The following SNRK variants were observed in gnomAD, a reference collection of about 807,000 sequenced individuals.
SNRK encodes SNF related kinase.
In SNRK, 3 loss-of-function variants were observed where a neutral mutation model predicts 48.2. That is an observed-to-expected ratio of 0.06 (90% CI 0.03 to 0.16). SNRK has a LOEUF of 0.16. Ranked by LOEUF, SNRK falls within the 10% of genes least tolerant of loss-of-function variation. The pLI is 1.00. For synonymous variants in SNRK, 376 were observed against 366.1 expected, an observed-to-expected ratio of 1.03 and a Z score of -0.31; for missense variants, 627 against 976.0, an observed-to-expected ratio of 0.64 and a Z score of 4.76.
chr3:43,294,652 A>G (rs1004678777), intron 1 of SNRK, among the ~76,000 whole-genome samples: 4 of 151,846 alleles, frequency 2.6e-5, no homozygotes, highest in African/African-American at 9.7e-5. Flanking sequence ...GTGTAAGAGA[A>G]TTCCTGGAAT....
rs1382289714 is a variant in SNRK, at chr3:43,349,837, T to G, written c.*1280T>G. The G allele has an allele frequency of 6.6e-6, 1 of 152,178 alleles. No individual in the cohort carries two copies. Among genetic ancestry groups the G allele is most frequent in the Non-Finnish European group, 1.5e-5 (1 of 68,042 alleles). 9.4% of individuals were successfully genotyped at this position (152,178 alleles called of 1,614,324 possible). ...TGATTATGGAAGGGGCCAGTTGCTG[T>G]TTTTTCATGCAGTGCCCTGGGAGTC... On this transcript the variant is annotated 3_prime_UTR_variant, in exon 7 of 7. Coordinates refer to ENST00000296088, the MANE Select transcript of SNRK (RefSeq NM_017719.5).
intron 6 of SNRK, among the ~76,000 whole-genome samples, chr3:43,344,885 A>C (rs917110676): frequency 6.6e-6 from 1 of 151,906 alleles, no homozygotes; most frequent in African/African-American, 2.4e-5. Flanking sequence ...GGCTTCTGGA[A>C]GAGAATATTT....
chr3:43,325,355 C>T (rs1299767819), intron 3 of SNRK, among the ~76,000 whole-genome samples: 1 of 151,980 alleles, frequency 6.6e-6, no homozygotes, highest in Non-Finnish European at 1.5e-5. Context: ...TTAGTAGAGA[C>T]AGGATTTCAC....
chr3:43,324,019 G>T (rs2091075005), intron 3 of SNRK, among the ~76,000 whole-genome samples: 2 of 152,262 alleles, frequency 1.3e-5, no homozygotes. Flanking sequence ...GACTGCATTT[G>T]TCAGAACTTG....
chr3:43,290,712 T>C (rs985108812), intron 1 of SNRK, among the ~76,000 whole-genome samples: 3 of 152,258 alleles, frequency 2.0e-5, no homozygotes, highest in African/African-American at 7.2e-5. Flanking sequence ...AACCATCATC[T>C]CTGATTGCCA....
intron 2 of SNRK, among the ~76,000 whole-genome samples, chr3:43,302,013 G>A (rs1033062500): frequency 6.6e-6 from 1 of 152,106 alleles, no homozygotes; most frequent in African/African-American, 2.4e-5. Flanking sequence ...AGTACAGTAC[G>A]AAATGTGGTT....
At position 43,321,737 on chromosome 3, in the gene SNRK, G is replaced by A. The variant is rs564399161; in HGVS notation, c.590-10432G>A. On this transcript the variant is annotated intron_variant, in intron 3 of 6. Coordinates refer to ENST00000296088, the MANE Select transcript of SNRK (RefSeq NM_017719.5). ...CGCCTCTCCTTGCCACCTGAAGTCC[G>A]AGTGTTTAACAGTGCTTATGGGCAC... Among the ~76,000 whole-genome samples, 109 of 152,286 alleles carry A rather than the reference G, an allele frequency of 7.2e-4. 1 individual carries two copies. Among genetic ancestry groups the A allele is most frequent in the African/African-American group, 2.5e-3 (105 of 41,558 alleles).
chr3:43,338,992 T>C (rs1419245112), intron 4 of SNRK, among the ~76,000 whole-genome samples: 1 of 152,230 alleles, frequency 6.6e-6, no homozygotes, highest in Non-Finnish European at 1.5e-5. Context: ...ATTTTGCTTG[T>C]GTTTCCTAGG....
chr3:43,322,462 A>G (rs999055302), intron 3 of SNRK, among the ~76,000 whole-genome samples: 1 of 152,348 alleles, frequency 6.6e-6, no homozygotes. Context: ...AGTTGGGGCA[A>G]TATTTGTAAT....
At chr3:43,340,609 G>T in intron 5 of SNRK, 110 bp downstream of exon 5, 1 of 902,384 alleles carries the variant, frequency 1.1e-6, no homozygotes, top group Admixed American at 2.6e-5. Context: ...AGAGTTCCCA[G>T]TTGGCAAGAG....
At chr3:43,336,213 T>C (rs897754083) in intron 4 of SNRK, among the ~76,000 whole-genome samples, 8 of 149,544 alleles carry the variant, frequency 5.3e-5, no homozygotes, top group Non-Finnish European at 1.2e-4. Context: ...CTTTCTTCCC[T>C]CCCTCCCTTT....
chr3:43,336,788 G>A (rs182652866), intron 4 of SNRK, among the ~76,000 whole-genome samples: 4 of 152,182 alleles, frequency 2.6e-5, no homozygotes, highest in African/African-American at 4.8e-5. Context: ...GTCTCGCTCT[G>A]TTGCCCAGGC....
intron 3 of SNRK, among the ~76,000 whole-genome samples, chr3:43,309,478 A>G (rs1055562043): frequency 6.6e-6 from 1 of 152,216 alleles, no homozygotes; most frequent in African/African-American, 2.4e-5. Flanking sequence ...TTATTTTAAG[A>G]AATAGCCACA....
intron 4 of SNRK, among the ~76,000 whole-genome samples, chr3:43,338,302 T>G (rs1412710818): frequency 1.3e-5 from 2 of 152,248 alleles, no homozygotes; most frequent in Admixed American, 6.5e-5. Flanking sequence ...CAGTTTTTAT[T>G]TGGAATGTCT....
At chr3:43,334,450 G>A (rs2091171145) in intron 4 of SNRK, among the ~76,000 whole-genome samples, 1 of 150,898 alleles carries the variant, frequency 6.6e-6, no homozygotes, top group Admixed American at 6.6e-5. Flanking sequence ...AACAGAGTAA[G>A]ACCCTGTCTC....
intron 4 of SNRK, among the ~76,000 whole-genome samples, chr3:43,337,308 A>G (rs2091198916): frequency 6.6e-6 from 1 of 150,878 alleles, no homozygotes; most frequent in East Asian, 2.0e-4. Context: ...TCCTTAGCTC[A>G]GGCAGTCCAC....
In SNRK at chr3:43,287,420, A is replaced by G. The variant is rs143620204; in HGVS notation, c.-169+745A>G. 3.1e-3 allele frequency among the ~76,000 whole-genome samples: 476 copies of G among 152,234 alleles called. 2 individuals are homozygous for G. The highest frequency in any genetic ancestry group is 0.011 in the African/African-American group (457 of 41,542). On this transcript the variant is annotated intron_variant, in intron 1 of 6. Coordinates refer to ENST00000296088, the MANE Select transcript of SNRK (RefSeq NM_017719.5). ...TCTTCGGGGTTCTTGGAGCTGTGCTATTTGTAACTGTTGGATCGCATACAG... is the reference window on the plus strand; with the variant it reads ...TCTTCGGGGTTCTTGGAGCTGTGCTGTTTGTAACTGTTGGATCGCATACAG...
At chr3:43,340,564 C>T (rs1473181959) in intron 5 of SNRK, 65 bp downstream of exon 5, 2 of 1,386,346 alleles carry the variant, frequency 1.4e-6, no homozygotes, top group Non-Finnish European at 2.0e-6. Flanking sequence ...GCTCTCTCTA[C>T]TTAACACAGC....
chr3:43,347,706 G>T lies in SNRK; in HGVS notation c.1447G>T (p.Ala483Ser). The T allele has an allele frequency of 6.2e-7, 1 of 1,613,916 alleles. No individual in the cohort carries two copies. The highest frequency in any genetic ancestry group is 8.5e-7 in the Non-Finnish European group (1 of 1,180,030). ...VTNRLTSRKS[A>S]PVLNQIFEEG... ...CAACCGCCTGACATCCAGGAAGAGTGCGCCCGTCCTCAACCAGATCTTTGA... is the reference window on the plus strand; with the variant it reads ...CAACCGCCTGACATCCAGGAAGAGTTCGCCCGTCCTCAACCAGATCTTTGA... The change falls in exon 7 of 7, where the codon GCG becomes TCG. Residue 483 changes from alanine to serine, a missense_variant. Ala to Ser is a moderately conservative substitution (Grantham distance 99). Coordinates refer to ENST00000296088, the MANE Select transcript of SNRK (RefSeq NM_017719.5). The surrounding 1 kb of genome is among the most constrained non-coding windows in gnomAD (Gnocchi z 5.4).
Sources: allele counts gnomAD v4.1 joint callset (sites outside exome capture counted in the v4.1 genomes callset), GRCh38; gene constraint gnomAD v4.1.1; non-coding constraint Gnocchi (gnomAD v3.1); transcripts MANE v1.5; gene names NCBI Gene and HGNC (gene_info 2026-07-23, HGNC 2026-07-21).